The following OSBPL10 variants were observed in gnomAD, a reference collection of about 807,000 sequenced individuals.
OSBPL10 encodes the protein oxysterol-binding protein-related protein 10.
Under a neutral mutation model 81.7 loss-of-function variants are expected in OSBPL10, and 49 were observed. That is an observed-to-expected ratio of 0.60 (90% CI 0.48 to 0.76). The LOEUF (loss-of-function observed/expected upper bound fraction) is 0.76, where lower values mean the gene tolerates loss of function less well. Among genes scored for constraint, OSBPL10 ranks in the 30% least tolerant of loss-of-function variants. The pLI, the probability that OSBPL10 is intolerant of heterozygous loss-of-function variation, is 0.00. For synonymous variants in OSBPL10, 419 were observed against 383.6 expected, an observed-to-expected ratio of 1.09 and a Z score of -1.08; for missense variants, 923 against 987.8, an observed-to-expected ratio of 0.93 and a Z score of 0.88.
chr3:31,722,145 GA>G (rs1696665566), intron 6 of OSBPL10, among the ~76,000 whole-genome samples: 1 of 152,112 alleles, frequency 6.6e-6, no homozygotes, highest in Non-Finnish European at 1.5e-5. Flanking sequence ...TTGAGACTTA[GA>G]AATTTTTTTT....
intron 7 of OSBPL10, among the ~76,000 whole-genome samples, chr3:31,699,560 C>A (rs945271366): frequency 6.6e-6 from 1 of 152,206 alleles, no homozygotes; most frequent in African/African-American, 2.4e-5. Context: ...CTGTGTGGGG[C>A]ACAGTGGAAA....
chr3:31,989,824 C>T, intron 2 of OSBPL10: 1 of 1,614,122 alleles, frequency 6.2e-7, no homozygotes, highest in Non-Finnish European at 8.5e-7. Context: ...AAGGAAACAT[C>T]AGATAATCTA....
intron 4 of OSBPL10, among the ~76,000 whole-genome samples, chr3:31,812,722 G>A (rs9814035): frequency 0.63 from 48,001 of 76,496 alleles, 13,993 homozygotes; most frequent in Admixed American, 0.75. Flanking sequence ...CAAAAAAAAA[G>A]AAAGAAAGAA....
intron 1 of OSBPL10, among the ~76,000 whole-genome samples, chr3:31,941,444 A>C (rs1290871446): frequency 1.3e-5 from 2 of 152,214 alleles, no homozygotes; most frequent in Non-Finnish European, 2.9e-5. Context: ...GGCAAGAGTT[A>C]GCCCAACAAA....
At chr3:31,776,378 G>A (rs1575537050) in intron 4 of OSBPL10, among the ~76,000 whole-genome samples, 1 of 152,170 alleles carries the variant, frequency 6.6e-6, no homozygotes, top group African/African-American at 2.4e-5. Context: ...ATGTAAAATG[G>A]CACAGCTTGC....
intron 4 of OSBPL10, among the ~76,000 whole-genome samples, chr3:31,765,514 G>C (rs11715224): frequency 0.67 from 102,142 of 151,402 alleles, 36,149 homozygotes; most frequent in East Asian, 0.81. Flanking sequence ...ATGAATGAAT[G>C]AATGAATATA....
At chr3:32,006,448 G>A (rs1699206015) in intron 2 of OSBPL10, among the ~76,000 whole-genome samples, 1 of 152,094 alleles carries the variant, frequency 6.6e-6, no homozygotes, top group Non-Finnish European at 1.5e-5. Flanking sequence ...TCTTAATCGT[G>A]GTCTAATATA....
rs768880944 is a variant in OSBPL10 at position 31,670,827 on chromosome 3, G to A, written c.1883C>T (p.Thr628Met). 1.6e-5 allele frequency: 26 copies of A among 1,613,954 alleles called. No homozygotes were observed. The highest frequency in any genetic ancestry group is 2.2e-5 in the East Asian group (1 of 44,878). Reference protein sequence around the residue: ...TGYSATVIFHTKPFYGGKVHR... With the variant: ...TGYSATVIFHMKPFYGGKVHR... ...GACTTTCCCTCCATAGAAAGGCTTCGTGTGGAATATCACTGTCGCTGAGTA... is the reference window on the plus strand; with the variant it reads ...GACTTTCCCTCCATAGAAAGGCTTCATGTGGAATATCACTGTCGCTGAGTA... Residue 628 changes from threonine (T) to methionine (M), a missense_variant, in exon 9 of 12, where the codon ACG (threonine) becomes ATG (methionine). This residue lies in a region of OSBPL10 where 387 missense variants were observed against 436.3 expected (regional missense o/e 0.89). Coordinates refer to ENST00000396556, the MANE Select transcript of OSBPL10 (RefSeq NM_017784.5).
chr3:31,876,992 C>T (rs899208295), intron 2 of OSBPL10, among the ~76,000 whole-genome samples: 2 of 151,518 alleles, frequency 1.3e-5, no homozygotes, highest in African/African-American at 2.4e-5. Context: ...CACACTCTGC[C>T]TCCTGGGTTC....
At chr3:31,752,820 G>A (rs909287752) in intron 4 of OSBPL10, among the ~76,000 whole-genome samples, 2 of 152,210 alleles carry the variant, frequency 1.3e-5, no homozygotes, top group Non-Finnish European at 2.9e-5. Flanking sequence ...CAATCCTGAT[G>A]GGTCAGGTGT....
At chr3:31,914,911 A>C (rs1696705320) in intron 1 of OSBPL10, among the ~76,000 whole-genome samples, 1 of 152,220 alleles carries the variant, frequency 6.6e-6, no homozygotes, top group African/African-American at 2.4e-5. Flanking sequence ...ATTACACTAG[A>C]GTATAAGCTC....
chr3:31,908,150 A>G (rs1696468411), intron 1 of OSBPL10, among the ~76,000 whole-genome samples: 3 of 152,198 alleles, frequency 2.0e-5, no homozygotes, highest in African/African-American at 7.2e-5. Context: ...AGCCAGTGCA[A>G]CACGGGTGGA....
At chr3:31,724,978 C>T (rs548995018) in intron 6 of OSBPL10, among the ~76,000 whole-genome samples, 25 of 150,808 alleles carry the variant, frequency 1.7e-4, no homozygotes, top group African/African-American at 6.1e-4. Context: ...ATAGGTAAAC[C>T]CACAGCCACA....
At chr3:31,993,737 G>A (rs1028088502) in intron 2 of OSBPL10, among the ~76,000 whole-genome samples, 2 of 152,064 alleles carry the variant, frequency 1.3e-5, no homozygotes, top group African/African-American at 4.8e-5. Context: ...TGGTGAGGAT[G>A]TGGAGTAATT....
rs1701236853 is a variant in OSBPL10, at chr3:31,868,451, T to G, written c.537+7982A>C. On this transcript the variant is annotated intron_variant, in intron 3 of 11. Coordinates refer to ENST00000396556, the MANE Select transcript of OSBPL10 (RefSeq NM_017784.5). Reference sequence around the variant, plus strand: ...CCACATTCCACCTCCCCCGCCATTGTCTAGGTGGCTGCCAAGCGCTACTTG... The same window carrying G: ...CCACATTCCACCTCCCCCGCCATTGGCTAGGTGGCTGCCAAGCGCTACTTG... 2.0e-5 allele frequency among the ~76,000 whole-genome samples: 3 copies of G among 152,204 alleles called. No individual in the cohort carries two copies. In the South Asian group the frequency reaches 6.2e-4, roughly 32 times the overall value.
chr3:31,863,524 T>A lies in OSBPL10; in HGVS notation c.537+12909A>T, dbSNP rs143216289. Reference sequence around the variant, plus strand: ...ATCACAAATCTACTCTGTGCCTCAGTGTCCTCACCTAGAAAATGTGGTCAT... The same window carrying A: ...ATCACAAATCTACTCTGTGCCTCAGAGTCCTCACCTAGAAAATGTGGTCAT... On this transcript the variant is annotated intron_variant, in intron 3 of 11. Transcript: ENST00000396556. Among the ~76,000 whole-genome samples, 250 of 152,360 alleles carry A rather than the reference T, an allele frequency of 1.6e-3. 2 individuals carry two copies. Among genetic ancestry groups the A allele is most frequent in the African/African-American group, 5.9e-3 (245 of 41,588 alleles).
intron 6 of OSBPL10, among the ~76,000 whole-genome samples, chr3:31,706,696 C>T (rs1278440691): frequency 2.0e-5 from 3 of 152,280 alleles, no homozygotes; most frequent in African/African-American, 2.4e-5. Flanking sequence ...ATCTCTTAAA[C>T]AAATATCTTA....
chr3:31,814,548 T>A (rs1417287906), intron 4 of OSBPL10, among the ~76,000 whole-genome samples: 3 of 151,954 alleles, frequency 2.0e-5, no homozygotes, highest in Admixed American at 1.3e-4. Flanking sequence ...AGGACACAGG[T>A]GCCCGAAGCT....
chr3:31,819,969 C>A (rs1699939551), intron 4 of OSBPL10, among the ~76,000 whole-genome samples: 1 of 152,158 alleles, frequency 6.6e-6, no homozygotes, highest in South Asian at 2.1e-4. Context: ...CCTGGACCTG[C>A]CTGAATAGCC....
Sources: allele counts gnomAD v4.1 joint callset (sites outside exome capture counted in the v4.1 genomes callset), GRCh38; gene constraint gnomAD v4.1.1; regional missense constraint gnomAD v4.1.1; transcripts MANE v1.5; gene names NCBI Gene and HGNC (gene_info 2026-07-23, HGNC 2026-07-21).